ATP8B4: variants seen among roughly 807,000 people sequenced by gnomAD.
ATP8B4 encodes ATPase phospholipid transporting 8B4 (putative).
ATP8B4 carries 133 observed loss-of-function variants against 145.6 expected under a neutral mutation model. The ratio of observed to expected loss-of-function variants is 0.91; its 90% CI spans 0.79 to 1.05. ATP8B4 has a LOEUF of 1.05. ATP8B4 is among the 50% of genes least tolerant of loss of function. The probability of loss-of-function intolerance (pLI) is 0.00; values close to 1 mark genes in which losing one functional copy is unlikely to be tolerated. For missense variants in ATP8B4, 1,458 were observed against 1,425.2 expected (o/e 1.02, Z -0.37); for synonymous variants, 507 against 492.9 (o/e 1.03, Z -0.38).
At chr15:50,058,932 C>CCA (rs2052805305) in intron 3 of ATP8B4, among the ~76,000 whole-genome samples, 2 of 150,880 alleles carry the variant, frequency 1.3e-5, no homozygotes, top group Admixed American at 1.3e-4. Context: ...GGAAAATTCT[C>CCA]CACATGGGGC....
Position 50,087,815 on chromosome 15 carries a change from C to T in ATP8B4, c.29-13630G>A, listed in dbSNP as rs140633645. Among the ~76,000 whole-genome samples the T allele has an allele frequency of 4.9e-3, 738 of 152,048 alleles. 6 individuals are homozygous for T. The highest frequency in any genetic ancestry group is 0.017 in the African/African-American group (719 of 41,520). Reference sequence around the variant, plus strand: ...TTAATTAACTATACCAAAGGAAAAACTGAATTATCTAAGTCTCTCTTTAGA... The same window carrying T: ...TTAATTAACTATACCAAAGGAAAAATTGAATTATCTAAGTCTCTCTTTAGA... On this transcript the variant is annotated intron_variant, in intron 2 of 27. Coordinates refer to ENST00000284509, the MANE Select transcript of ATP8B4 (RefSeq NM_024837.4).
intron 12 of ATP8B4, among the ~76,000 whole-genome samples, chr15:49,978,310 C>A (rs1176478731): frequency 6.6e-6 from 1 of 152,038 alleles, no homozygotes; most frequent in Non-Finnish European, 1.5e-5. Context: ...CATGAGAGGT[C>A]CTCAGAATCA....
chr15:49,898,407 C>A (rs1472365257), intron 21 of ATP8B4, among the ~76,000 whole-genome samples, 156 bp from the exon 22 acceptor site: 1 of 152,124 alleles, frequency 6.6e-6, no homozygotes, highest in African/African-American at 2.4e-5. Context: ...ATCACACAAG[C>A]AACAAGAACC....
At chr15:50,075,340 T>C (rs1167618602) in intron 2 of ATP8B4, among the ~76,000 whole-genome samples, 1 of 152,174 alleles carries the variant, frequency 6.6e-6, no homozygotes, top group Non-Finnish European at 1.5e-5. Context: ...CCAGGCACCA[T>C]GAATTGTAAG....
intron 1 of ATP8B4, among the ~76,000 whole-genome samples, chr15:50,160,072 T>A (rs2044494192): frequency 7.4e-6 from 1 of 135,446 alleles, no homozygotes; most frequent in Non-Finnish European, 1.6e-5. Context: ...TTCAATCTCA[T>A]TGCTTGTTAT....
chr15:50,033,434 G>A (rs2050598773), intron 6 of ATP8B4, among the ~76,000 whole-genome samples: 1 of 152,096 alleles, frequency 6.6e-6, no homozygotes, highest in Non-Finnish European at 1.5e-5. Flanking sequence ...GAAGTGATAT[G>A]GACTCTATTT....
chr15:50,034,460 T>A (rs973912608), intron 6 of ATP8B4, among the ~76,000 whole-genome samples: 4 of 152,042 alleles, frequency 2.6e-5, no homozygotes, highest in African/African-American at 9.7e-5. Flanking sequence ...AAACTCCTGA[T>A]CTCAGGTTAT....
At chr15:49,882,925 A>G (rs1307248318) in intron 23 of ATP8B4, among the ~76,000 whole-genome samples, 1 of 152,216 alleles carries the variant, frequency 6.6e-6, no homozygotes, top group East Asian at 1.9e-4. Flanking sequence ...AAACTTTACC[A>G]ATGATAAAAA....
At chr15:50,036,611 A>G (rs1030916155) in intron 6 of ATP8B4, among the ~76,000 whole-genome samples, 1 of 152,238 alleles carries the variant, frequency 6.6e-6, no homozygotes, top group Non-Finnish European at 1.5e-5. Flanking sequence ...GAATTGGCTA[A>G]TGATGGGATT....
chr15:49,978,213 T>C (rs2045839719), intron 12 of ATP8B4, among the ~76,000 whole-genome samples: 1 of 152,208 alleles, frequency 6.6e-6, no homozygotes, highest in Non-Finnish European at 1.5e-5. Context: ...ATTATTCATT[T>C]AGGACATAAA....
chr15:50,069,897 G>A (rs979169794), intron 3 of ATP8B4, among the ~76,000 whole-genome samples: 5 of 152,108 alleles, frequency 3.3e-5, no homozygotes, highest in South Asian at 2.1e-4. Context: ...CCTGAAATAC[G>A]TTCAAAGCAC....
At chr15:50,007,419 T>C (rs1036426818) in intron 7 of ATP8B4, among the ~76,000 whole-genome samples, 9 of 152,180 alleles carry the variant, frequency 5.9e-5, no homozygotes, top group African/African-American at 1.4e-4. Flanking sequence ...TTGAGCTACA[T>C]TGCATAGACT....
chr15:50,067,403 T>C (rs1193197865), intron 3 of ATP8B4, among the ~76,000 whole-genome samples: 3 of 152,166 alleles, frequency 2.0e-5, no homozygotes, highest in African/African-American at 7.2e-5. Context: ...TCTTAGCCTG[T>C]AGTCTAAGGT....
chr15:49,917,497 A>ATTCAGTTG (rs2039862490), intron 19 of ATP8B4, among the ~76,000 whole-genome samples: 4 of 152,182 alleles, frequency 2.6e-5, no homozygotes, highest in Non-Finnish European at 5.9e-5. Flanking sequence ...GAATGACAAA[A>ATTCAGTTG]AAAAATGCTC....
chr15:50,105,507 G>T (rs914357362), intron 2 of ATP8B4, among the ~76,000 whole-genome samples: 1 of 152,130 alleles, frequency 6.6e-6, no homozygotes, highest in Non-Finnish European at 1.5e-5. Context: ...AGACATAAAA[G>T]ATGTCTGTGA....
intron 3 of ATP8B4, among the ~76,000 whole-genome samples, chr15:50,072,980 C>CTATATATATATATA (rs374525582): frequency 1.7e-4 from 4 of 22,874 alleles, no homozygotes; most frequent in South Asian, 2.1e-3. Flanking sequence ...CTCTCTCTCT[C>CTATATATATATATA]TATATATATA....
At chr15:49,951,996 T>C (rs1337027118) in intron 14 of ATP8B4, among the ~76,000 whole-genome samples, 1 of 152,198 alleles carries the variant, frequency 6.6e-6, no homozygotes, top group Non-Finnish European at 1.5e-5. Flanking sequence ...AAAATTCTTT[T>C]CTTTAAGAAT....
intron 2 of ATP8B4, among the ~76,000 whole-genome samples, chr15:50,075,757 T>A (rs897340326): frequency 2.0e-5 from 3 of 152,198 alleles, no homozygotes; most frequent in African/African-American, 7.2e-5. Flanking sequence ...AAAAGCACCA[T>A]CCTGTCTTTC....
At chr15:50,127,533 G>T (rs904407062) in intron 1 of ATP8B4, among the ~76,000 whole-genome samples, 1 of 152,172 alleles carries the variant, frequency 6.6e-6, no homozygotes, top group Non-Finnish European at 1.5e-5. Flanking sequence ...GGTCCTAATG[G>T]ATCAGAGACC....
Sources: allele counts gnomAD v4.1 joint callset (sites outside exome capture counted in the v4.1 genomes callset), GRCh38; gene constraint gnomAD v4.1.1; transcripts MANE v1.5; gene names NCBI Gene and HGNC (gene_info 2026-07-23, HGNC 2026-07-21).